The following HDAC9 variants were observed in gnomAD, a reference collection of about 807,000 sequenced individuals.
HDAC9 encodes the protein histone deacetylase 9.
Under a neutral mutation model 139.4 loss-of-function variants are expected in HDAC9, and 41 were observed. The ratio of observed to expected loss-of-function variants is 0.29; its 90% CI spans 0.23 to 0.38. The LOEUF is 0.38. HDAC9 is among the 10% of genes least tolerant of loss of function. The pLI, the probability that HDAC9 is intolerant of heterozygous loss-of-function variation, is 1.00. For synonymous variants in HDAC9, 517 were observed against 476.2 expected (o/e 1.09, Z -1.12); for missense variants, 1,147 against 1,297.0 (o/e 0.88, Z 1.78).
At chr7:18,086,975 G>GCGCC (rs1457790337) in exon 1 of HDAC9, 1 of 146,954 alleles carries the variant, frequency 6.8e-6, no homozygotes, top group Non-Finnish European at 1.5e-5. Flanking sequence ...CGGCCGCGCC[G>GCGCC]CGCCCGCCGC....
At chr7:18,216,782 A>C (rs1792345856) in intron 2 of HDAC9, among the ~76,000 whole-genome samples, 1 of 152,074 alleles carries the variant, frequency 6.6e-6, no homozygotes, top group Non-Finnish European at 1.5e-5. Flanking sequence ...ATACTGAATG[A>C]TAGTTTTCTG....
At chr7:18,322,949 A>C (rs1177544142) in intron 1 of HDAC9, among the ~76,000 whole-genome samples, 2 of 152,142 alleles carry the variant, frequency 1.3e-5, no homozygotes, top group African/African-American at 4.8e-5. Context: ...TGCCTGGTTT[A>C]GAGAAGGGTG....
intron 14 of HDAC9, among the ~76,000 whole-genome samples, chr7:18,758,003 G>T (rs1480285063): frequency 6.6e-6 from 1 of 152,174 alleles, no homozygotes; most frequent in Non-Finnish European, 1.5e-5. Context: ...CACAGAGTAA[G>T]TGCTCAGTGA....
intron 22 of HDAC9, among the ~76,000 whole-genome samples, chr7:18,886,733 A>T (rs957762826): frequency 2.0e-5 from 3 of 152,194 alleles, no homozygotes; most frequent in Non-Finnish European, 4.4e-5. Context: ...ACTGAATAGA[A>T]TCCCAAAGAA....
chr7:18,325,222 A>G (rs1356274059), intron 1 of HDAC9, among the ~76,000 whole-genome samples: 1 of 152,174 alleles, frequency 6.6e-6, no homozygotes, highest in African/African-American at 2.4e-5. Context: ...GAATATAAAT[A>G]TTAGTTTCCT....
At chr7:18,940,086 A>C (rs1781920907) in intron 23 of HDAC9, among the ~76,000 whole-genome samples, 1 of 152,168 alleles carries the variant, frequency 6.6e-6, no homozygotes, top group Admixed American at 6.6e-5. Context: ...TTTGCTTCTT[A>C]GGGCTTATGA....
chr7:18,846,917 G>C (rs1002030819), intron 21 of HDAC9, among the ~76,000 whole-genome samples: 1 of 152,132 alleles, frequency 6.6e-6, no homozygotes, highest in Non-Finnish European at 1.5e-5. Flanking sequence ...AGAAGGCCTT[G>C]GCTTTCTTGT....
At chr7:18,205,061 T>A (rs1317462483) in intron 2 of HDAC9, among the ~76,000 whole-genome samples, 1 of 151,790 alleles carries the variant, frequency 6.6e-6, no homozygotes, top group Non-Finnish European at 1.5e-5. Flanking sequence ...ACATAGGGAG[T>A]TAGAGACATT....
At chr7:18,407,760 C>T (rs1034107106) in intron 1 of HDAC9, among the ~76,000 whole-genome samples, 2 of 152,110 alleles carry the variant, frequency 1.3e-5, no homozygotes, top group Admixed American at 6.5e-5. Flanking sequence ...GACTGCACTC[C>T]GGAGACCATT....
At chr7:18,298,286 T>C (rs2990960) in intron 1 of HDAC9, among the ~76,000 whole-genome samples, 131,647 of 149,178 alleles carry the variant, frequency 0.88, 58,035 homozygotes, top group East Asian at 0.98. Context: ...TTATGTTTTT[T>C]TTTTTTTTTT....
chr7:18,196,657 T>G (rs1790748619), intron 2 of HDAC9, among the ~76,000 whole-genome samples: 1 of 152,138 alleles, frequency 6.6e-6, no homozygotes, highest in Non-Finnish European at 1.5e-5. Context: ...GGTGTCATTA[T>G]AAGTTAAGGA....
intron 11 of HDAC9, among the ~76,000 whole-genome samples, chr7:18,649,820 A>C (rs914822022): frequency 2.0e-5 from 3 of 152,054 alleles, no homozygotes; most frequent in Non-Finnish European, 2.9e-5. Flanking sequence ...TCCGAACAGA[A>C]AGTTTTCCAG....
intron 21 of HDAC9, among the ~76,000 whole-genome samples, chr7:18,859,886 T>C (rs1198025036): frequency 1.4e-5 from 2 of 139,786 alleles, no homozygotes; most frequent in African/African-American, 5.2e-5. Flanking sequence ...GAGAGAAATA[T>C]ATATGATTTT....
chr7:18,193,890 T>C (rs2128153101), intron 2 of HDAC9, among the ~76,000 whole-genome samples: 1 of 152,316 alleles, frequency 6.6e-6, no homozygotes, highest in East Asian at 1.9e-4. Context: ...TTTTATCTCT[T>C]TTTTGTTTTT....
At chr7:18,579,844 A>G (rs1160326723) in intron 2 of HDAC9, among the ~76,000 whole-genome samples, 1 of 151,882 alleles carries the variant, frequency 6.6e-6, no homozygotes. Flanking sequence ...TTTGAACTCT[A>G]CTGCTTTGAG....
At chr7:18,923,409 A>G (rs927963135) in intron 22 of HDAC9, among the ~76,000 whole-genome samples, 1 of 152,082 alleles carries the variant, frequency 6.6e-6, no homozygotes, top group African/African-American at 2.4e-5. Flanking sequence ...AAAGATGTCC[A>G]TGACCTCTCA....
At chr7:18,147,207 A>C (rs141950658) in intron 1 of HDAC9, among the ~76,000 whole-genome samples, 6 of 152,222 alleles carry the variant, frequency 3.9e-5, no homozygotes, top group Admixed American at 3.9e-4. Flanking sequence ...AGACCTCTTC[A>C]TACCTGGGTG....
At chr7:18,352,843 C>G (rs1782955039) in intron 1 of HDAC9, among the ~76,000 whole-genome samples, 1 of 151,992 alleles carries the variant, frequency 6.6e-6, no homozygotes, top group African/African-American at 2.4e-5. Context: ...TTGTCTCTGT[C>G]TTACTCTAAA....
At chr7:18,841,119 T>A (rs1796555202) in intron 21 of HDAC9, among the ~76,000 whole-genome samples, 1 of 152,092 alleles carries the variant, frequency 6.6e-6, no homozygotes, top group East Asian at 1.9e-4. Flanking sequence ...CTCTCATTCT[T>A]ATTTTATAAA....
Sources: allele counts gnomAD v4.1 joint callset (sites outside exome capture counted in the v4.1 genomes callset), GRCh38; gene constraint gnomAD v4.1.1; transcripts MANE v1.5; gene names NCBI Gene and HGNC (gene_info 2026-07-23, HGNC 2026-07-21).